OXR1: variants seen among roughly 807,000 people sequenced by gnomAD.
OXR1 encodes the protein oxidation resistance 1.
A neutral mutation model predicts 104.6 loss-of-function variants in OXR1; 41 were observed. The observed-to-expected ratio is 0.39, with a 90% CI of 0.31 to 0.51. OXR1 has a LOEUF of 0.51. Among genes scored for constraint, OXR1 ranks in the 20% least tolerant of loss-of-function variants. The pLI, the probability that OXR1 is intolerant of heterozygous loss-of-function variation, is 0.77. For missense variants in OXR1, 955 were observed against 1,031.9 expected (o/e 0.93, Z 1.02); for synonymous variants, 348 against 348.4 (o/e 1.00, Z 0.01).
chr8:106,588,448 CT>C lies in OXR1; in HGVS notation c.220+69311del, dbSNP rs1818820618. Among the ~76,000 whole-genome samples the C allele has an allele frequency of 2.0e-5, 3 of 151,464 alleles. No homozygotes were observed. The South Asian group carries it at 6.3e-4, about 32-fold the overall frequency. ...GCAAGGAGGAAAATGTTCATTGGTT[CT>C]TGGTCTTCATTTATGTGCAAGAAAT... On this transcript the variant is annotated intron_variant, in intron 3 of 16. Transcript: ENST00000517566.
At chr8:106,716,008 G>A (rs958259315) in intron 11 of OXR1, among the ~76,000 whole-genome samples, 2 of 152,164 alleles carry the variant, frequency 1.3e-5, no homozygotes, top group African/African-American at 4.8e-5. Context: ...TGAAATTCAT[G>A]TAATGCCACT....
intron 2 of OXR1, among the ~76,000 whole-genome samples, chr8:106,429,704 A>G (rs918922922): frequency 6.6e-6 from 1 of 151,762 alleles, no homozygotes; most frequent in African/African-American, 2.4e-5. Flanking sequence ...AATGTGTGAT[A>G]TAGATATAAG....
In OXR1 at chr8:106,643,434, ATT is replaced by A. The variant is rs11291020; in HGVS notation, c.221-35763_221-35762del. ...TGAAATTCTGAAGGGAATCAATAGA[ATT>A]TTTTTTTTTTTTAATTTACAGCCAA... On this transcript the variant is annotated intron_variant, in intron 3 of 16. Coordinates refer to ENST00000517566, the MANE Select transcript of OXR1 (RefSeq NM_001198533.2). Among the ~76,000 whole-genome samples, 1,242 of 149,456 alleles carry A rather than the reference ATT, an allele frequency of 8.3e-3. 17 individuals are homozygous for A. Among genetic ancestry groups the A allele is most frequent in the African/African-American group, 0.028 (1,153 of 40,892 alleles).
intron 3 of OXR1, among the ~76,000 whole-genome samples, chr8:106,547,508 T>A (rs993530266): frequency 6.7e-6 from 1 of 150,194 alleles, no homozygotes; most frequent in African/African-American, 2.4e-5. Flanking sequence ...TTTTTTTTTT[T>A]TTTGAGACAG....
intron 3 of OXR1, among the ~76,000 whole-genome samples, chr8:106,598,262 A>T (rs1819676130): frequency 1.3e-5 from 2 of 152,028 alleles, no homozygotes; most frequent in African/African-American, 4.8e-5. Context: ...AAGATGAGAG[A>T]TTAGTGGCTT....
chr8:106,611,598 T>C (rs1011728118), intron 3 of OXR1, among the ~76,000 whole-genome samples: 2 of 152,230 alleles, frequency 1.3e-5, no homozygotes, highest in Admixed American at 6.5e-5. Context: ...GTCAGAAAGG[T>C]AGAAGTAAGT....
At chr8:106,307,027 G>T (rs1813489994) in intron 1 of OXR1, among the ~76,000 whole-genome samples, 1 of 152,108 alleles carries the variant, frequency 6.6e-6, no homozygotes, top group Non-Finnish European at 1.5e-5. Context: ...GCAGGAGAAG[G>T]GGATACCAAC....
chr8:106,580,395 A>C (rs183019276), intron 3 of OXR1, among the ~76,000 whole-genome samples: 127 of 152,338 alleles, frequency 8.3e-4, no homozygotes, highest in African/African-American at 2.8e-3. Context: ...GTTGTAGTAC[A>C]TGACAGGGTT....
At chr8:106,382,084 GA>G (rs1162638939) in intron 2 of OXR1, among the ~76,000 whole-genome samples, 4 of 152,094 alleles carry the variant, frequency 2.6e-5, no homozygotes, top group Non-Finnish European at 5.9e-5. Flanking sequence ...TAAATGTATG[GA>G]AATCAGACTT....
At chr8:106,713,713 T>G (rs1002134955) in intron 10 of OXR1, 110 bp from the exon 11 acceptor site, 1 of 582,604 alleles carries the variant, frequency 1.7e-6, no homozygotes, top group Non-Finnish European at 2.9e-6. Flanking sequence ...AACAATATAT[T>G]TTGTGTATAT....
intron 7 of OXR1, chr8:106,697,409 A>G: frequency 7.0e-7 from 1 of 1,422,110 alleles, no homozygotes; most frequent in Non-Finnish European, 9.8e-7. Context: ...GGCAGGGGCA[A>G]GGCCTGGGGT....
rs556199933 is a variant in OXR1 at position 106,749,747 on chromosome 8, A to C, written c.2487-1059A>C. Among the ~76,000 whole-genome samples the C allele has an allele frequency of 1.4e-3, 208 of 152,252 alleles. 1 individual carries two copies. Among genetic ancestry groups the C allele is most frequent in the Non-Finnish European group, 2.2e-3 (152 of 68,012 alleles). On this transcript the variant is annotated intron_variant, in intron 16 of 16. Transcript: ENST00000517566. ...AGAATCCCAAGGGATAGCTCTCTGGATATTATGTTAATTAATAGTCTTTGC... is the reference window on the plus strand; with the variant it reads ...AGAATCCCAAGGGATAGCTCTCTGGCTATTATGTTAATTAATAGTCTTTGC...
At chr8:106,295,117 G>A (rs565689065) in intron 1 of OXR1, among the ~76,000 whole-genome samples, 1 of 152,226 alleles carries the variant, frequency 6.6e-6, no homozygotes, top group South Asian at 2.1e-4. Flanking sequence ...TTAATTTCAA[G>A]GAACAAAAGG....
chr8:106,499,953 A>G (rs1811675368), intron 2 of OXR1, among the ~76,000 whole-genome samples: 1 of 152,210 alleles, frequency 6.6e-6, no homozygotes, highest in Non-Finnish European at 1.5e-5. Context: ...CTGAGAAGTG[A>G]ATGCTAAATA....
intron 3 of OXR1, among the ~76,000 whole-genome samples, chr8:106,639,080 T>C (rs1322941135): frequency 6.6e-6 from 1 of 152,146 alleles, no homozygotes. Flanking sequence ...AAACAAAAAG[T>C]AGAGTGGTCA....
chr8:106,543,765 C>A (rs1256573475), intron 3 of OXR1, among the ~76,000 whole-genome samples: 3 of 152,172 alleles, frequency 2.0e-5, no homozygotes, highest in Non-Finnish European at 2.9e-5. Context: ...TTTCAGCTGC[C>A]TGCAGTGCTA....
At chr8:106,607,917 T>C (rs1820527767) in intron 3 of OXR1, among the ~76,000 whole-genome samples, 1 of 152,160 alleles carries the variant, frequency 6.6e-6, no homozygotes, top group Non-Finnish European at 1.5e-5. Flanking sequence ...CGGCTGTGTC[T>C]TTCTTTAAAG....
chr8:106,543,435 A>G (rs1815112783), intron 3 of OXR1, among the ~76,000 whole-genome samples: 1 of 152,142 alleles, frequency 6.6e-6, no homozygotes, highest in Non-Finnish European at 1.5e-5. Context: ...ATTCTTAACC[A>G]CAACTGGTAT....
intron 3 of OXR1, chr8:106,658,279 C>T (rs1328880065): frequency 9.9e-6 from 12 of 1,214,988 alleles, no homozygotes; most frequent in Middle Eastern, 6.3e-4. Context: ...GGTCGCTGCC[C>T]GGCTCTGGCA....
Sources: gnomAD v4.1 joint callset for allele counts (sites outside exome capture counted in the v4.1 genomes callset) on GRCh38, gnomAD v4.1.1 for gene constraint, MANE v1.5 for transcripts, NCBI Gene and HGNC (gene_info 2026-07-23, HGNC 2026-07-21) for gene names.